TPR: variants seen among roughly 807,000 people sequenced by gnomAD.
TPR encodes the protein translocated promoter region, nuclear basket protein, also known as nucleoprotein TPR.
TPR carries 51 observed loss-of-function variants against 316.1 expected under a neutral mutation model. The ratio of observed to expected loss-of-function variants is 0.16; its 90% CI spans 0.13 to 0.20. The LOEUF (loss-of-function observed/expected upper bound fraction) is 0.20, where lower values mean the gene tolerates loss of function less well. Ranked by LOEUF, TPR falls within the 10% of genes least tolerant of loss-of-function variation. The pLI is 1.00. For synonymous variants in TPR, 981 were observed against 914.7 expected (o/e 1.07, Z -1.31); for missense variants, 2,272 against 2,754.8 (o/e 0.82, Z 3.92).
intron 14 of TPR, 125 bp from the exon 15 acceptor site, chr1:186,356,574 T>C: frequency 1.1e-6 from 1 of 921,640 alleles, no homozygotes; most frequent in Non-Finnish European, 1.6e-6. Flanking sequence ...TCTCATTATT[T>C]TTTTTCATGC....
intron 42 of TPR, chr1:186,325,503 T>C (rs1437990207): frequency 4.1e-5 from 12 of 291,848 alleles, no homozygotes; most frequent in Admixed American, 3.7e-4. Context: ...TGGCAGCATA[T>C]AGCATTTATA....
At chr1:186,366,382 T>C (rs11576689) in intron 4 of TPR, among the ~76,000 whole-genome samples, 1,874 of 152,326 alleles carry the variant, frequency 0.012, 27 homozygotes, top group Admixed American at 0.02. Flanking sequence ...GCTTACTTTA[T>C]TGAAGGAGCA....
chr1:186,372,949 A>T (rs1275314361), intron 2 of TPR, among the ~76,000 whole-genome samples: 8 of 152,220 alleles, frequency 5.3e-5, no homozygotes, highest in Non-Finnish European at 1.2e-4. Context: ...TCGATTCTTC[A>T]ACATAAAAAC....
intron 43 of TPR, 96 bp from the exon 44 acceptor site, chr1:186,322,682 C>G (rs1016981483): frequency 8.0e-7 from 1 of 1,245,018 alleles, no homozygotes; most frequent in Non-Finnish European, 1.2e-6. Context: ...ACGCTGCCAA[C>G]AAAATAGTTA....
In TPR at chr1:186,312,898, A is replaced by T; in HGVS notation, c.*1073T>A. 1 of 1,610,988 alleles carries T rather than the reference A, an allele frequency of 6.2e-7. No individual in the cohort carries two copies. The highest frequency in any genetic ancestry group is 1.7e-5 in the Admixed American group (1 of 60,022). On this transcript the variant is annotated 3_prime_UTR_variant, in exon 51 of 51. Coordinates refer to ENST00000367478, the MANE Select transcript of TPR (RefSeq NM_003292.3). ...GATTACTATGCCTTTTCTAAAGGTA[A>T]GGTATTAACTAACAGTTTCCCAAGG...
Position 186,347,433 on chromosome 1 carries a change from C to G in TPR, c.2802G>C (p.Val934=). The change falls in exon 22 of 51, where the codon GTG becomes GTC. Residue 934 remains valine, a synonymous_variant. Coordinates refer to ENST00000367478, the MANE Select transcript of TPR (RefSeq NM_003292.3). ...GKGQPSNKED[V]DDLVSQLRQT... Reference sequence around the variant, plus strand: ...GTCTTAGCTGACTCACAAGATCATCCACATCTTCTTTGTTGCTAGGCTGAC... The same window carrying G: ...GTCTTAGCTGACTCACAAGATCATCGACATCTTCTTTGTTGCTAGGCTGAC... 10 of 1,613,896 alleles carry G rather than the reference C, an allele frequency of 6.2e-6. No individual in the cohort carries two copies. The highest frequency in any genetic ancestry group is 8.5e-6 in the Non-Finnish European group (10 of 1,179,938).
intron 15 of TPR, 46 bp from the exon 16 acceptor site, chr1:186,355,814 A>C: frequency 6.3e-7 from 1 of 1,595,806 alleles, no homozygotes. Flanking sequence ...GGCTTTCATA[A>C]ATCAGCTTTA....
At position 186,359,955 on chromosome 1, in the gene TPR, C is replaced by T; in HGVS notation, c.1233G>A (p.Leu411=). ...TAATTCTTTTGTTCTCTAGTTTCTC[C>T]AAAAGCAACTGATCCTGAGTTTCCA... ...AYVETQDQLL[L]EKLENKRINK... The change falls in exon 12 of 51, where the codon TTG becomes TTA. Residue 411 remains leucine, a synonymous_variant. Coordinates refer to ENST00000367478, the MANE Select transcript of TPR (RefSeq NM_003292.3). 1 of 1,608,674 alleles carries T rather than the reference C, an allele frequency of 6.2e-7. No homozygotes were observed.
At chr1:186,352,260 A>G in intron 18 of TPR, 150 bp from the exon 19 acceptor site, 4 of 658,268 alleles carry the variant, frequency 6.1e-6, no homozygotes, top group Non-Finnish European at 8.7e-6. Context: ...AATACAAAAC[A>G]GTTTCATGTG....
Position 186,326,197 on chromosome 1 carries a change from TTCA to T in TPR, c.5925_5927del (p.Asp1975del), listed in dbSNP as rs748538527. ...CCTCATCTCCCATCCCTGTGTCATC[TTCA>T]TCATCATCATCATCTTCCTCATCCT... On this transcript the variant is annotated inframe_deletion, in exon 41 of 51. Transcript: ENST00000367478. 7.8e-5 allele frequency: 125 copies of T among 1,607,422 alleles called. No homozygotes were observed. The highest frequency in any genetic ancestry group is 6.1e-4 in the South Asian group (55 of 90,878).
chr1:186,327,222 TATATA>T (rs1658005190), intron 40 of TPR, among the ~76,000 whole-genome samples: 1 of 39,034 alleles, frequency 2.6e-5, no homozygotes, highest in African/African-American at 9.7e-5. Flanking sequence ...TATATATAAA[TATATA>T]ATATATATTT....
In TPR at chr1:186,356,410, A is replaced by G. The variant is rs1012226976; in HGVS notation, c.1764T>C (p.Thr588=). The change falls in exon 15 of 51, where the codon ACT becomes ACC. Residue 588 remains threonine, a synonymous_variant. Coordinates refer to ENST00000367478, the MANE Select transcript of TPR (RefSeq NM_003292.3). ...GTGATTTGCGGAGTTGTTCTAGTTC[A>G]GTAAGGGCACTCTCAAGTTTGAGCT... The part of the protein sequence containing the change: ...ELQLKLESAL[T]ELEQLRKSRQ... 2 of 1,613,142 alleles carry G rather than the reference A, an allele frequency of 1.2e-6. No homozygotes were observed. Among genetic ancestry groups the G allele is most frequent in the South Asian group, 2.2e-5 (2 of 90,900 alleles).
intron 39 of TPR, among the ~76,000 whole-genome samples, chr1:186,329,365 A>G (rs934801936): frequency 6.6e-6 from 1 of 152,210 alleles, no homozygotes; most frequent in African/African-American, 2.4e-5. Flanking sequence ...GCTTGGGTCC[A>G]GAAGTGTTTC....
Position 186,355,314 on chromosome 1 carries a change from A to G in TPR, c.2171+96T>C, listed in dbSNP as rs1658992006. The G allele has an allele frequency of 2.2e-6, 3 of 1,335,670 alleles. No individual in the cohort carries two copies. In the African/African-American group the frequency reaches 4.5e-5, roughly 20 times the overall value. 82.7% of individuals were successfully genotyped at this position (1,335,670 alleles called of 1,614,324 possible). On this transcript the variant is annotated intron_variant, in intron 17 of 50. Coordinates refer to ENST00000367478, the MANE Select transcript of TPR (RefSeq NM_003292.3). ...ATTCTGGAACACAGTTCACAAAAAA[A>G]GCAACACTATTGCAAATTAGCTCTT...
At chr1:186,366,209 C>G (rs1659337787) in intron 4 of TPR, among the ~76,000 whole-genome samples, 1 of 152,068 alleles carries the variant, frequency 6.6e-6, no homozygotes, top group Admixed American at 6.5e-5. Context: ...TTCTGCCTCC[C>G]CTTCTACCTC....
intron 21 of TPR, among the ~76,000 whole-genome samples, chr1:186,348,289 TTGAGATAAGGAC>T (rs751763128): frequency 3.9e-5 from 6 of 152,134 alleles, no homozygotes; most frequent in Non-Finnish European, 7.3e-5. Context: ...TCTTGTGCAG[TTGAGATAAGGAC>T]TGAGATAAGC....
Position 186,326,136 on chromosome 1 carries a change from C to T in TPR, c.5989G>A (p.Gly1997Ser). 1 of 1,613,530 alleles carries T rather than the reference C, an allele frequency of 6.2e-7. No homozygotes were observed. The highest frequency in any genetic ancestry group is 8.5e-7 in the Non-Finnish European group (1 of 1,179,532). Residue 1997 changes from glycine to serine, a missense_variant, in exon 41 of 51, where the codon GGC (glycine) becomes AGC (serine). This residue lies in a region of TPR where 435 missense variants were observed against 461.1 expected (regional missense o/e 0.94). Coordinates refer to ENST00000367478, the MANE Select transcript of TPR (RefSeq NM_003292.3). ...TCATCAGCTTCATAACCATCATTGC[C>T]ATCGGCACTACCAGTTCCTTCATTA... ...DSNEGTGSAD[G>S]NDGYEADDAE...
chr1:186,370,487 T>C (rs1330655466), intron 3 of TPR, among the ~76,000 whole-genome samples: 3 of 152,056 alleles, frequency 2.0e-5, no homozygotes, highest in East Asian at 1.9e-4. Flanking sequence ...AATTTTTTTT[T>C]CCCTTCAGAA....
At chr1:186,331,618 T>C in intron 38 of TPR, 37 bp from the exon 39 acceptor site, 1 of 1,385,984 alleles carries the variant, frequency 7.2e-7, no homozygotes, top group African/African-American at 1.5e-5. Flanking sequence ...ACCATATCAG[T>C]GTAGTAGATG....
Sources: allele counts gnomAD v4.1 joint callset (sites outside exome capture counted in the v4.1 genomes callset), GRCh38; gene constraint gnomAD v4.1.1; regional missense constraint gnomAD v4.1.1; transcripts MANE v1.5; gene names NCBI Gene and HGNC (gene_info 2026-07-23, HGNC 2026-07-21).